RHPN2: variants seen among roughly 807,000 people sequenced by gnomAD.
The protein encoded by RHPN2 is rhophilin-2.
RHPN2 carries 40 observed loss-of-function variants against 79.0 expected under a neutral mutation model. The observed-to-expected ratio is 0.51, with a 90% CI of 0.39 to 0.66. The LOEUF is 0.66. Ranked by LOEUF, RHPN2 falls within the 30% of genes least tolerant of loss-of-function variation. The pLI is 0.00. For synonymous variants in RHPN2, 285 were observed against 363.5 expected, an observed-to-expected ratio of 0.78 and a Z score of 2.46; for missense variants, 686 against 883.5, an observed-to-expected ratio of 0.78 and a Z score of 2.83.
chr19:33,016,345 C>T (rs949581186), intron 4 of RHPN2, among the ~76,000 whole-genome samples: 1 of 152,026 alleles, frequency 6.6e-6, no homozygotes, highest in African/African-American at 2.4e-5. Flanking sequence ...GTAGCTGGGA[C>T]TAAAGGTGTG....
intron 10 of RHPN2, among the ~76,000 whole-genome samples, chr19:32,997,446 AG>A (rs1423099028): frequency 2.6e-5 from 4 of 151,916 alleles, no homozygotes; most frequent in African/African-American, 7.3e-5. Context: ...TGGTAAGAGA[AG>A]ACTGGGAATG....
chr19:33,055,557 C>T (rs1056254003), intron 1 of RHPN2, among the ~76,000 whole-genome samples: 3 of 152,014 alleles, frequency 2.0e-5, no homozygotes, highest in Admixed American at 6.6e-5. Flanking sequence ...ACATGACCCA[C>T]GCTGTTCCTG....
intron 1 of RHPN2, among the ~76,000 whole-genome samples, chr19:33,059,792 T>C (rs1033515905): frequency 2.0e-5 from 3 of 152,100 alleles, no homozygotes; most frequent in African/African-American, 7.2e-5. Context: ...TCTAGGACCT[T>C]CCAGCATTCT....
intron 4 of RHPN2, among the ~76,000 whole-genome samples, chr19:33,020,421 G>A (rs577509010): frequency 6.7e-6 from 1 of 150,114 alleles, no homozygotes; most frequent in Non-Finnish European, 1.5e-5. Context: ...TGCCTCCTGG[G>A]TTCAAGCGAC....
chr19:32,998,460 T>C (rs1186232382), intron 10 of RHPN2, among the ~76,000 whole-genome samples: 2 of 151,826 alleles, frequency 1.3e-5, no homozygotes, highest in African/African-American at 4.8e-5. Context: ...CTGGGCAACA[T>C]AGTGAGACCG....
intron 9 of RHPN2, among the ~76,000 whole-genome samples, chr19:33,000,749 C>T (rs1011036505): frequency 2.6e-5 from 4 of 152,144 alleles, no homozygotes; most frequent in African/African-American, 9.7e-5. Context: ...CTGTTCTGTG[C>T]TCAGACACTT....
At chr19:33,034,536 G>C (rs1421763842) in intron 2 of RHPN2, among the ~76,000 whole-genome samples, 1 of 148,574 alleles carries the variant, frequency 6.7e-6, no homozygotes, top group Non-Finnish European at 1.5e-5. Context: ...AACCTGGGAG[G>C]CAGAGCTTAC....
intron 1 of RHPN2, among the ~76,000 whole-genome samples, chr19:33,050,975 A>T (rs1972181898): frequency 6.6e-6 from 1 of 152,270 alleles, no homozygotes; most frequent in South Asian, 2.1e-4. Context: ...AACTCAAATA[A>T]GTTTACCTAG....
At chr19:33,062,912 G>T (rs763380929) in intron 1 of RHPN2, among the ~76,000 whole-genome samples, 3 of 152,086 alleles carry the variant, frequency 2.0e-5, no homozygotes, top group African/African-American at 4.8e-5. Flanking sequence ...GACACGGAGG[G>T]CTCCCACAGG....
At position 33,044,406 on chromosome 19, in the gene RHPN2, C is replaced by T. The variant is rs745702803; in HGVS notation, c.70-42G>A. Reference sequence around the variant, plus strand: ...GATGCCCCTTCAGAGGTCGGCCACTCTAAAAATGATGACAGGGTTTAATAT... The same window carrying T: ...GATGCCCCTTCAGAGGTCGGCCACTTTAAAAATGATGACAGGGTTTAATAT... On this transcript the variant is annotated intron_variant, in intron 1 of 14. Transcript: ENST00000254260. 2.3e-6 allele frequency: 3 copies of T among 1,312,240 alleles called. No individual in the cohort carries two copies. The African/African-American group carries it at 4.4e-5, about 19-fold the overall frequency. The allele number at this position is 1,312,240 out of a possible 1,614,324, so 81.3% of individuals were successfully genotyped here.
intron 1 of RHPN2, among the ~76,000 whole-genome samples, chr19:33,048,609 C>A (rs1317470222): frequency 6.7e-6 from 1 of 149,472 alleles, no homozygotes; most frequent in African/African-American, 2.5e-5. Flanking sequence ...GCCTATAATC[C>A]CAGCTACTCT....
intron 3 of RHPN2, among the ~76,000 whole-genome samples, chr19:33,022,372 C>T (rs1971931854): frequency 6.6e-6 from 1 of 152,262 alleles, no homozygotes; most frequent in South Asian, 2.1e-4. Context: ...GCTCCTCACC[C>T]CCACCTCCTC....
intron 1 of RHPN2, 72 bp downstream of exon 1, chr19:33,064,712 G>A: frequency 2.0e-6 from 3 of 1,469,492 alleles, no homozygotes; most frequent in Non-Finnish European, 2.7e-6. Flanking sequence ...CGCTCCCACG[G>A]CCCCTGCAGG....
At chr19:32,983,260 C>T (rs963493959) in intron 14 of RHPN2, among the ~76,000 whole-genome samples, 6 of 152,030 alleles carry the variant, frequency 3.9e-5, no homozygotes, top group Non-Finnish European at 8.8e-5. Context: ...CGCCTGTAAT[C>T]CCAGCACTTT....
chr19:33,018,328 CAAA>C (rs996710250), intron 4 of RHPN2, among the ~76,000 whole-genome samples: 1 of 145,846 alleles, frequency 6.9e-6, no homozygotes, highest in African/African-American at 2.5e-5. Context: ...GACTGTGTCT[CAAA>C]AAAAAAAGAG....
intron 2 of RHPN2, chr19:33,026,885 C>CA (rs1971972238): frequency 1.1e-5 from 5 of 436,852 alleles, no homozygotes; most frequent in African/African-American, 1.0e-4. Flanking sequence ...ATCCTGCAAA[C>CA]ACTCAGTCTT....
At chr19:32,987,272 T>C (rs1226871141) in intron 14 of RHPN2, among the ~76,000 whole-genome samples, 1 of 152,124 alleles carries the variant, frequency 6.6e-6, no homozygotes. Flanking sequence ...ACCTTCTACC[T>C]TATGACCCTT....
At position 33,011,659 on chromosome 19, in the gene RHPN2, C is replaced by T. The variant is rs754124869; in HGVS notation, c.593+20G>A. ...GCTGCCATAACACGTGAAGCGCCAG[C>T]GCAGACCTCAAGCACCTACCAGGTG... On this transcript the variant is annotated intron_variant, in intron 6 of 14. Coordinates refer to ENST00000254260, the MANE Select transcript of RHPN2 (RefSeq NM_033103.5). 25 of 1,613,818 alleles carry T rather than the reference C, an allele frequency of 1.5e-5. No individual in the cohort carries two copies. Among genetic ancestry groups the T allele is most frequent in the South Asian group, 9.9e-5 (9 of 91,080 alleles).
intron 2 of RHPN2, among the ~76,000 whole-genome samples, chr19:33,036,299 C>T (rs2145257118): frequency 6.6e-6 from 1 of 150,774 alleles, no homozygotes. Context: ...AGGAGTTCAA[C>T]ACCAGCCTGG....
Sources: allele counts gnomAD v4.1 joint callset (sites outside exome capture counted in the v4.1 genomes callset), GRCh38; gene constraint gnomAD v4.1.1; transcripts MANE v1.5; gene names NCBI Gene and HGNC (gene_info 2026-07-23, HGNC 2026-07-21).